The following KIRREL3 variants were observed in gnomAD, a reference collection of about 807,000 sequenced individuals.
The protein encoded by KIRREL3 is kirre like nephrin family adhesion molecule 3, also known as kin of IRRE-like protein 3.
In KIRREL3, 36 loss-of-function variants were observed where a neutral mutation model predicts 89.7. The ratio of observed to expected loss-of-function variants is 0.40; its 90% CI spans 0.31 to 0.53. The LOEUF (loss-of-function observed/expected upper bound fraction) is 0.53, where lower values mean the gene tolerates loss of function less well. KIRREL3 is among the 20% of genes least tolerant of loss of function. The pLI, the probability that KIRREL3 is intolerant of heterozygous loss-of-function variation, is 0.49. For synonymous variants in KIRREL3, 445 were observed against 441.4 expected (o/e 1.01, Z -0.10); for missense variants, 864 against 1,056.6 (o/e 0.82, Z 2.53).
rs1434430193 is a variant in KIRREL3 at position 126,782,094 on chromosome 11, C to T, written c.55+218361G>A. 6.7e-6 allele frequency among the ~76,000 whole-genome samples: 1 copy of T among 148,966 alleles called. No homozygotes were observed. The highest frequency in any genetic ancestry group is 2.5e-5 in the African/African-American group (1 of 40,570). ...GTGCTCAGCATATAATTTCCTCCTC[C>T]TGGGTTCACAGGAAGACAGGCATTG... is the stretch of plus-strand genomic sequence containing the variant. On this transcript the variant is annotated intron_variant, in intron 1 of 16. Transcript: ENST00000525144. The surrounding 1 kb of genome is among the most constrained non-coding windows in gnomAD (Gnocchi z 4.1).
intron 1 of KIRREL3, among the ~76,000 whole-genome samples, chr11:126,880,995 CATA>C (rs1301117078): frequency 3.3e-5 from 5 of 152,286 alleles, no homozygotes; most frequent in African/African-American, 4.8e-5. Context: ...TTAATGCAAA[CATA>C]ATAACAGGCT....
At chr11:126,679,454 T>G (rs1946353456) in intron 1 of KIRREL3, among the ~76,000 whole-genome samples, 1 of 152,194 alleles carries the variant, frequency 6.6e-6, no homozygotes, top group African/African-American at 2.4e-5. Flanking sequence ...ACATGTTCCC[T>G]TTAAGGGAGC....
At chr11:126,613,325 A>T (rs902882990) in intron 1 of KIRREL3, among the ~76,000 whole-genome samples, 1 of 151,992 alleles carries the variant, frequency 6.6e-6, no homozygotes, top group African/African-American at 2.4e-5. Flanking sequence ...CCAACACAGA[A>T]CTCCAGCTAC....
At chr11:126,971,027 T>G (rs1460583694) in intron 1 of KIRREL3, among the ~76,000 whole-genome samples, 2 of 152,200 alleles carry the variant, frequency 1.3e-5, no homozygotes, top group Non-Finnish European at 2.9e-5. Flanking sequence ...TCCATTTTCC[T>G]TTTATTTATT....
chr11:126,788,393 G>A lies in KIRREL3; in HGVS notation c.55+212062C>T, dbSNP rs1009435388. Among the ~76,000 whole-genome samples the A allele has an allele frequency of 8.5e-5, 13 of 152,180 alleles. No individual in the cohort carries two copies. The highest frequency in any genetic ancestry group is 3.9e-4 in the Admixed American group (6 of 15,282). ...ATTTCTGCAGGGTCTGTGGCCCTTG[G>A]TTTTGAGACTGAGACAGGGCTGTGC... On this transcript the variant is annotated intron_variant, in intron 1 of 16. Coordinates refer to ENST00000525144, the MANE Select transcript of KIRREL3 (RefSeq NM_032531.4). The surrounding 1 kb of genome is among the most constrained non-coding windows in gnomAD (Gnocchi z 4.1).
At chr11:126,863,400 T>A (rs866830021) in intron 1 of KIRREL3, among the ~76,000 whole-genome samples, 1 of 45,520 alleles carries the variant, frequency 2.2e-5, no homozygotes, top group Non-Finnish European at 4.5e-5. Flanking sequence ...CGTGTGTGAG[T>A]GCGTGAGTGC....
chr11:126,926,082 A>C (rs367705324), intron 1 of KIRREL3, among the ~76,000 whole-genome samples: 9 of 152,286 alleles, frequency 5.9e-5, no homozygotes, highest in Non-Finnish European at 1.3e-4. Flanking sequence ...CCCCTTACCC[A>C]CACAATCACT....
intron 1 of KIRREL3, among the ~76,000 whole-genome samples, chr11:126,572,583 GC>G (rs1565561773): frequency 8.4e-5 from 8 of 95,602 alleles, no homozygotes; most frequent in East Asian, 6.2e-4. Context: ...CCCCCCCCCC[GC>G]CAAGCAGGTG....
At chr11:126,972,796 T>C (rs557131941) in intron 1 of KIRREL3, among the ~76,000 whole-genome samples, 1 of 152,248 alleles carries the variant, frequency 6.6e-6, no homozygotes, top group African/African-American at 2.4e-5. Flanking sequence ...ATATTCTTCT[T>C]TCCTTACCTT....
rs1378742516 is a variant in KIRREL3, at chr11:126,557,292, G to A, written c.133+5543C>T. On this transcript the variant is annotated intron_variant, in intron 2 of 16. Transcript: ENST00000525144. This position sits in a 1 kb window ranked among gnomAD's most constrained non-coding sequence, Gnocchi z 5.6. ...AATGACAGATGGGAGAAAGAAACAC[G>A]GATCCACCTTCAGAGGCTGCCAAGG... 1.3e-5 allele frequency among the ~76,000 whole-genome samples: 2 copies of A among 152,168 alleles called. No homozygotes were observed. The highest frequency in any genetic ancestry group is 2.9e-5 in the Non-Finnish European group (2 of 68,034).
Position 126,978,237 on chromosome 11 carries a change from T to C in KIRREL3, c.55+22218A>G, listed in dbSNP as rs1949633704. ...CCCTTCCTCTTCTCCAACATTTTCT[T>C]TGAAAGGTGACCCTGCTCCACTTCC... On this transcript the variant is annotated intron_variant, in intron 1 of 16. Coordinates refer to ENST00000525144, the MANE Select transcript of KIRREL3 (RefSeq NM_032531.4). This position sits in a 1 kb window ranked among gnomAD's most constrained non-coding sequence, Gnocchi z 4.2. Among the ~76,000 whole-genome samples the C allele has an allele frequency of 6.6e-6, 1 of 152,180 alleles. No individual in the cohort carries two copies. Among genetic ancestry groups the C allele is most frequent in the South Asian group, 2.1e-4 (1 of 4,828 alleles).
chr11:126,787,171 C>T (rs1339543602), intron 1 of KIRREL3, among the ~76,000 whole-genome samples: 1 of 152,126 alleles, frequency 6.6e-6, no homozygotes, highest in Non-Finnish European at 1.5e-5. Context: ...AGAGAGAACA[C>T]CTGACAGAAT....
At chr11:126,751,401 G>T (rs770105039) in intron 1 of KIRREL3, among the ~76,000 whole-genome samples, 4 of 152,316 alleles carry the variant, frequency 2.6e-5, no homozygotes, top group South Asian at 2.1e-4. Context: ...AGCTGGGAAG[G>T]TTTCAATATC....
chr11:126,425,119 G>A, intron 16 of KIRREL3, 96 bp from the exon 17 acceptor site: 1 of 1,205,458 alleles, frequency 8.3e-7, no homozygotes, highest in East Asian at 2.6e-5. Context: ...ATGCGGGGAG[G>A]GAAGAGGGAA....
intron 1 of KIRREL3, among the ~76,000 whole-genome samples, chr11:126,749,654 A>C (rs920662952): frequency 3.5e-4 from 54 of 152,294 alleles, no homozygotes; most frequent in Non-Finnish European, 7.1e-4. Flanking sequence ...TAAAAAAAAA[A>C]AGTCAGCCAT....
intron 1 of KIRREL3, among the ~76,000 whole-genome samples, chr11:126,637,957 G>A (rs141781471): frequency 1.8e-3 from 268 of 152,342 alleles, no homozygotes; most frequent in Middle Eastern, 6.8e-3. Context: ...TGAGCAGCAG[G>A]GGCAGCTCCT....
chr11:126,828,280 G>A (rs1293745698), intron 1 of KIRREL3, among the ~76,000 whole-genome samples: 1 of 152,178 alleles, frequency 6.6e-6, no homozygotes, highest in Non-Finnish European at 1.5e-5. Flanking sequence ...ATTCTGAGCT[G>A]AGAAGCCATG....
At position 126,921,893 on chromosome 11, in the gene KIRREL3, CCTAT is replaced by C. The variant is rs373205023; in HGVS notation, c.55+78558_55+78561del. ...TATCTATCTATCTATCATCTATCTC[CCTAT>C]CTATCTATCTATCTTCCTATCTATC... On this transcript the variant is annotated intron_variant, in intron 1 of 16. Coordinates refer to ENST00000525144, the MANE Select transcript of KIRREL3 (RefSeq NM_032531.4). 2.9e-3 allele frequency among the ~76,000 whole-genome samples: 424 copies of C among 148,438 alleles called. 2 individuals are homozygous for C. Among genetic ancestry groups the C allele is most frequent in the Middle Eastern group, 8.7e-3 (2 of 230 alleles).
At position 126,788,911 on chromosome 11, in the gene KIRREL3, A is replaced by G. The variant is rs1488607095; in HGVS notation, c.55+211544T>C. 6.6e-6 allele frequency among the ~76,000 whole-genome samples: 1 copy of G among 152,192 alleles called. No individual in the cohort carries two copies. The highest frequency in any genetic ancestry group is 1.5e-5 in the Non-Finnish European group (1 of 68,044). Reference sequence around the variant, plus strand: ...ATAATCATTATTATCAAAGAGTGTCATGTATTAAGCATCTACTGGAGTGTG... The same window carrying G: ...ATAATCATTATTATCAAAGAGTGTCGTGTATTAAGCATCTACTGGAGTGTG... On this transcript the variant is annotated intron_variant, in intron 1 of 16. Transcript: ENST00000525144. This position sits in a 1 kb window ranked among gnomAD's most constrained non-coding sequence, Gnocchi z 4.1.
Sources: gnomAD v4.1 joint callset for allele counts (sites outside exome capture counted in the v4.1 genomes callset) on GRCh38, gnomAD v4.1.1 for gene constraint, Gnocchi (gnomAD v3.1) non-coding constraint, MANE v1.5 for transcripts, NCBI Gene and HGNC (gene_info 2026-07-23, HGNC 2026-07-21) for gene names.